The following TRHDE variants were observed in gnomAD, a reference collection of about 807,000 sequenced individuals.
TRHDE encodes the protein thyrotropin releasing hormone degrading enzyme, also known as thyrotropin-releasing hormone-degrading ectoenzyme.
TRHDE carries 72 observed loss-of-function variants against 125.7 expected under a neutral mutation model. The ratio of observed to expected loss-of-function variants is 0.57; its 90% CI spans 0.47 to 0.70. The LOEUF is 0.70. Among genes scored for constraint, TRHDE ranks in the 30% least tolerant of loss-of-function variants. TRHDE has a pLI of 0.00. For missense variants in TRHDE, 1,110 were observed against 1,327.1 expected, an observed-to-expected ratio of 0.84 and a Z score of 2.54; for synonymous variants, 509 against 509.1, an observed-to-expected ratio of 1.00 and a Z score of 0.00.
chr12:72,652,346 C>T lies in TRHDE; in HGVS notation c.2700C>T (p.Ile900=), dbSNP rs1874538182. The T allele has an allele frequency of 2.6e-6, 4 of 1,547,522 alleles. No individual in the cohort carries two copies. Among genetic ancestry groups the T allele is most frequent in the Admixed American group, 1.9e-5 (1 of 52,532 alleles). ...RNRIPLNVRD[I]VYCTGVSLLD... The stretch of plus-strand genomic sequence containing the variant: ...GAATACCACTAAATGTTAGAGACAT[C>T]GTATACTGTACAGGAGTGTCACTAC... Residue 900 remains isoleucine, a synonymous_variant, in exon 16 of 19, where the codon ATC becomes ATT. Transcript: ENST00000261180.
intron 2 of TRHDE, chr12:72,186,734 T>C (rs1877222727): frequency 1.3e-5 from 2 of 151,980 alleles, no homozygotes; most frequent in Admixed American, 6.5e-5. Context: ...CATCAGCAAA[T>C]AGAATTATTT....
At position 72,499,566 on chromosome 12, in the gene TRHDE, T is replaced by A. The variant is rs1209794797; in HGVS notation, c.1653T>A (p.His551Gln). Residue 551 changes from histidine to glutamine, a missense_variant, in exon 6 of 19, where the codon CAT (histidine) becomes CAA (glutamine). By Grantham distance (24) the His-to-Gln change is conservative. This residue lies in a region of TRHDE where 527 missense variants were observed against 651.8 expected (regional missense o/e 0.81). Coordinates refer to ENST00000261180, the MANE Select transcript of TRHDE (RefSeq NM_013381.3). Reference protein sequence around the residue: ...VMLLDGLASSHPVSQEVLQAT... With the variant: ...VMLLDGLASSQPVSQEVLQAT... ...TGCTGGACGGTTTGGCCAGTTCCCA[T>A]CCAGTATCACAGGAAGTGCTGCAGG... 1.2e-6 allele frequency: 2 copies of A among 1,613,800 alleles called. No homozygotes were observed. Among genetic ancestry groups the A allele is most frequent in the Non-Finnish European group, 8.5e-7 (1 of 1,179,900 alleles).
chr12:72,272,328 A>C, upstream of TRHDE: 1 of 361,376 alleles, frequency 2.8e-6, no homozygotes, highest in Non-Finnish European at 5.5e-6. This position sits in a 1 kb window ranked among gnomAD's most constrained non-coding sequence, Gnocchi z 6.7. Flanking sequence ...GCAGGCGCGC[A>C]GGGGCGGGGG....
At chr12:72,631,731 A>G (rs1873504206) in intron 15 of TRHDE, among the ~76,000 whole-genome samples, 1 of 151,926 alleles carries the variant, frequency 6.6e-6, no homozygotes, top group East Asian at 1.9e-4. Flanking sequence ...AAGTAGCAAA[A>G]TTTGTTTTGG....
chr12:72,131,263 G>A (rs551207985), intron 2 of TRHDE, among the ~76,000 whole-genome samples: 3 of 151,372 alleles, frequency 2.0e-5, no homozygotes, highest in African/African-American at 2.4e-5. Context: ...TAGTAGAGAC[G>A]GGGTTTCACC....
At chr12:72,458,199 A>G (rs1875953658) in intron 3 of TRHDE, among the ~76,000 whole-genome samples, 1 of 152,180 alleles carries the variant, frequency 6.6e-6, no homozygotes, top group Non-Finnish European at 1.5e-5. Context: ...CCTGCTGAAA[A>G]CAATATTGAA....
At chr12:72,191,327 GCT>G (rs750671503) in intron 2 of TRHDE, among the ~76,000 whole-genome samples, 2 of 152,128 alleles carry the variant, frequency 1.3e-5, no homozygotes, top group Non-Finnish European at 2.9e-5. Context: ...AGGGACAGCA[GCT>G]CTCATAGCAT....
chr12:72,609,294 A>G (rs1397314764), intron 12 of TRHDE, among the ~76,000 whole-genome samples: 2 of 152,212 alleles, frequency 1.3e-5, no homozygotes, highest in Non-Finnish European at 2.9e-5. Context: ...TATTTATGAT[A>G]TAAAACATGT....
At chr12:72,106,952 T>G (rs1328231115) in intron 2 of TRHDE, among the ~76,000 whole-genome samples, 1 of 152,066 alleles carries the variant, frequency 6.6e-6, no homozygotes. Flanking sequence ...AATCTGAGAT[T>G]TAGGCCTACA....
In TRHDE at chr12:72,446,447, C is replaced by G. The variant is rs140288245; in HGVS notation, c.1316-23311C>G. On this transcript the variant is annotated intron_variant, in intron 3 of 18. Transcript: ENST00000261180. ...CATTGATGCTAGGAAGAAACTGCAT[C>G]AACTAGTGAGCAAAATAACCAGCCA... 5.5e-3 allele frequency among the ~76,000 whole-genome samples: 836 copies of G among 152,120 alleles called. 3 individuals carry two copies. Among genetic ancestry groups the G allele is most frequent in the African/African-American group, 0.018 (764 of 41,524 alleles).
At chr12:72,335,433 C>A (rs1025974033) in intron 2 of TRHDE, among the ~76,000 whole-genome samples, 1 of 152,034 alleles carries the variant, frequency 6.6e-6, no homozygotes, top group Non-Finnish European at 1.5e-5. Flanking sequence ...TGTGGTGGGC[C>A]AGAAAGATAA....
rs1283000241 is a variant in TRHDE at position 72,632,725 on chromosome 12, T to C, written c.2675+10974T>C. Among the ~76,000 whole-genome samples the C allele has an allele frequency of 1.5e-4, 20 of 136,934 alleles. 1 individual carries two copies. Among genetic ancestry groups the C allele is most frequent in the Middle Eastern group, 7.5e-3 (2 of 268 alleles). The allele number at this position is 136,934 out of a possible 152,430, so 89.8% of individuals were successfully genotyped here. ...GCTTTTCAGTAGGATGTGTTTAACATTGGACCAAAAAAAAAAAAAAAACTA... is the reference window on the plus strand; with the variant it reads ...GCTTTTCAGTAGGATGTGTTTAACACTGGACCAAAAAAAAAAAAAAAACTA... On this transcript the variant is annotated intron_variant, in intron 15 of 18. Transcript: ENST00000261180.
At chr12:72,541,235 G>T (rs752477701) in intron 6 of TRHDE, among the ~76,000 whole-genome samples, 1 of 151,524 alleles carries the variant, frequency 6.6e-6, no homozygotes, top group African/African-American at 2.4e-5. Context: ...GCTACCATTT[G>T]TATTTAAACA....
intron 7 of TRHDE, among the ~76,000 whole-genome samples, chr12:72,553,812 C>G (rs539312170): frequency 6.7e-6 from 1 of 149,132 alleles, no homozygotes; most frequent in Admixed American, 6.7e-5. Context: ...CCTTTCGTCT[C>G]CTCTCCTCTC....
At chr12:72,263,406 T>C (rs971363753) in intron 2 of TRHDE, 4 of 95,146 alleles carry the variant, frequency 4.2e-5, no homozygotes, top group African/African-American at 1.6e-4. Flanking sequence ...TGTTTTGTTT[T>C]GTTTTGTTTT....
chr12:72,633,254 A>G (rs1231278405), intron 15 of TRHDE, among the ~76,000 whole-genome samples: 2 of 152,004 alleles, frequency 1.3e-5, no homozygotes, highest in African/African-American at 4.8e-5. Context: ...CTTGTCCCCC[A>G]CCAGCAAGTC....
Position 72,621,645 on chromosome 12 carries a change from G to A in TRHDE, c.2569G>A (p.Glu857Lys). 1 of 1,601,242 alleles carries A rather than the reference G, an allele frequency of 6.2e-7. No homozygotes were observed. The highest frequency in any genetic ancestry group is 8.5e-7 in the Non-Finnish European group (1 of 1,173,216). ...TGTTTCCCTTTTGATGATATCTAGA[G>A]AACTACGTAGAGAAGTTATAATGCT... ...SLVQASYQHEELRREVIMLAC... is the reference protein window; with the variant it reads ...SLVQASYQHEKLRREVIMLAC... Residue 857 changes from glutamate (E) to lysine (K), a missense_variant and splice_region_variant, in exon 15 of 19, where the codon GAA becomes AAA. Transcript: ENST00000261180.
intron 5 of TRHDE, among the ~76,000 whole-genome samples, chr12:72,479,897 G>A (rs1457922316): frequency 6.8e-6 from 1 of 147,468 alleles, no homozygotes; most frequent in Non-Finnish European, 1.5e-5. Context: ...CCACCTATAA[G>A]TGAGAACATG....
At chr12:72,210,421 G>A (rs1877757487) in intron 2 of TRHDE, among the ~76,000 whole-genome samples, 1 of 151,886 alleles carries the variant, frequency 6.6e-6, no homozygotes, top group African/African-American at 2.4e-5. Flanking sequence ...TCAGTGAAAA[G>A]GAAAGAAAGG....
Sources: allele counts gnomAD v4.1 joint callset (sites outside exome capture counted in the v4.1 genomes callset), GRCh38; gene constraint gnomAD v4.1.1; regional missense constraint gnomAD v4.1.1; non-coding constraint Gnocchi (gnomAD v3.1); transcripts MANE v1.5; gene names NCBI Gene and HGNC (gene_info 2026-07-23, HGNC 2026-07-21).